DAB1: variants seen among roughly 807,000 people sequenced by gnomAD.
DAB1 encodes the protein DAB adaptor protein 1.
In DAB1, 15 loss-of-function variants were observed where a neutral mutation model predicts 64.6. The observed-to-expected ratio is 0.23, with a 90% confidence interval of 0.16 to 0.36. The LOEUF (loss-of-function observed/expected upper bound fraction) is 0.36. DAB1 is among the 10% of genes least tolerant of loss of function. The probability of loss-of-function intolerance (pLI) is 1.00; values close to 1 mark genes in which losing one functional copy is unlikely to be tolerated. For missense variants in DAB1, 596 were observed against 706.7 expected (o/e 0.84, Z 1.78); for synonymous variants, 235 against 251.9 (o/e 0.93, Z 0.64).
At chr1:58,459,608 A>G (rs1406195150) in intron 3 of DAB1, among the ~76,000 whole-genome samples, 1 of 152,268 alleles carries the variant, frequency 6.6e-6, no homozygotes, top group Non-Finnish European at 1.5e-5. Flanking sequence ...GCAGAGAGAG[A>G]AGGAGCATCC....
intron 3 of DAB1, among the ~76,000 whole-genome samples, chr1:58,370,903 A>G (rs1315500794): frequency 6.6e-6 from 1 of 152,236 alleles, no homozygotes; most frequent in Non-Finnish European, 1.5e-5. Context: ...CTGTGACTCA[A>G]TTAAACCTCT....
Position 58,470,668 on chromosome 1 carries a change from G to A in DAB1, n.257+35392C>T, listed in dbSNP as rs114628188. Among the ~76,000 whole-genome samples the A allele has an allele frequency of 2.4e-3, 372 of 152,232 alleles. 1 individual carries two copies. Among genetic ancestry groups the A allele is most frequent in the African/African-American group, 8.4e-3 (350 of 41,534 alleles). ...TTTTGCCTATTGTTTGGGCCCATGC[G>A]GTTCTATTCCAGAACACGTTTATGA... On this transcript the variant is annotated intron_variant and non_coding_transcript_variant, in intron 3 of 20. Transcript: ENST00000485760.
At chr1:58,282,437 T>A (rs1661583714) in intron 4 of DAB1, among the ~76,000 whole-genome samples, 1 of 152,184 alleles carries the variant, frequency 6.6e-6, no homozygotes, top group Non-Finnish European at 1.5e-5. Context: ...CCCTATGCCC[T>A]CTCATTTTCA....
rs924657241 is a variant in DAB1, at chr1:58,491,548, C to T, written n.257+14512G>A. On this transcript the variant is annotated intron_variant and non_coding_transcript_variant, in intron 3 of 20. Coordinates refer to the DAB1 transcript ENST00000485760. ...TCACGTGCAGAGACACACATAGGTT[C>T]AAAATAAAAGGATGGAGGAAGATCT... 1.3e-4 allele frequency among the ~76,000 whole-genome samples: 20 copies of T among 151,830 alleles called. 1 individual carries two copies. The highest frequency in any genetic ancestry group is 4.6e-4 in the African/African-American group (19 of 41,344).
intron 5 of DAB1, among the ~76,000 whole-genome samples, chr1:57,960,084 T>C (rs930011069): frequency 6.6e-6 from 1 of 152,146 alleles, no homozygotes; most frequent in African/African-American, 2.4e-5. Flanking sequence ...CCTGGGCTGA[T>C]AGCAATCAGG....
chr1:58,116,305 C>T (rs1652331229), intron 5 of DAB1, among the ~76,000 whole-genome samples: 1 of 152,194 alleles, frequency 6.6e-6, no homozygotes, highest in African/African-American at 2.4e-5. Context: ...CCAATGCTAA[C>T]AACTGCCTAT....
intron 4 of DAB1, among the ~76,000 whole-genome samples, chr1:58,262,861 C>T (rs1661080118): frequency 6.6e-6 from 1 of 152,208 alleles, no homozygotes. Flanking sequence ...ACCATTTTCT[C>T]TTCCCTCTCT....
chr1:57,886,162 T>G (rs1644217752), upstream of DAB1, among the ~76,000 whole-genome samples: 1 of 148,702 alleles, frequency 6.7e-6, no homozygotes, highest in Non-Finnish European at 1.5e-5. Flanking sequence ...AGCCTACTAT[T>G]CTTTTTTTTT....
intron 3 of DAB1, among the ~76,000 whole-genome samples, chr1:58,474,315 T>A (rs556817035): frequency 6.6e-6 from 1 of 152,330 alleles, no homozygotes; most frequent in Admixed American, 6.5e-5. Context: ...AACTCAGATC[T>A]TCTGACCTTG....
intron 5 of DAB1, among the ~76,000 whole-genome samples, chr1:57,993,579 G>A (rs1242402243): frequency 6.6e-6 from 1 of 152,104 alleles, no homozygotes; most frequent in Middle Eastern, 3.2e-3. Context: ...ACTGGTACCC[G>A]CTGCATTTGG....
In DAB1 at chr1:58,048,781, T is replaced by G. The variant is rs1459436740; in HGVS notation, n.387+101730A>C. On this transcript the variant is annotated intron_variant and non_coding_transcript_variant, in intron 5 of 20. Transcript: ENST00000485760. ...TTTCCTAACTTCACAGTTGTGGCCA[T>G]TCACAGTATAGTATTTCTGAATGAC... 67 of 1,179,018 alleles carry G rather than the reference T, an allele frequency of 5.7e-5. No individual in the cohort carries two copies. The East Asian group carries it at 1.5e-3, about 27-fold the overall frequency. The allele number at this position is 1,179,018 out of a possible 1,614,324, so 73.0% of individuals were successfully genotyped here.
At chr1:58,035,678 T>C (rs1414542136) in intron 5 of DAB1, among the ~76,000 whole-genome samples, 4 of 152,210 alleles carry the variant, frequency 2.6e-5, no homozygotes, top group East Asian at 1.9e-4. Context: ...AGGGCCATGA[T>C]TGGAGACTAT....
intron 5 of DAB1, among the ~76,000 whole-genome samples, chr1:58,120,063 T>C (rs72667936): frequency 0.018 from 2,772 of 152,250 alleles, 43 homozygotes; most frequent in Non-Finnish European, 0.028. Context: ...TGTCCTTTAC[T>C]GGCCTCGTCT....
chr1:58,127,359 G>A (rs1214409395), intron 5 of DAB1, among the ~76,000 whole-genome samples: 1 of 151,772 alleles, frequency 6.6e-6, no homozygotes, highest in Non-Finnish European at 1.5e-5. Context: ...CTGGATATTA[G>A]CCCTTTGTCA....
chr1:57,824,271 C>T (rs1652249213), downstream of DAB1, among the ~76,000 whole-genome samples: 1 of 152,058 alleles, frequency 6.6e-6, no homozygotes, highest in Non-Finnish European at 1.5e-5. Flanking sequence ...CCCACAAGTG[C>T]CCATTGTGGG....
chr1:57,432,759 C>T (rs1685562553), intron 7 of DAB1, among the ~76,000 whole-genome samples: 1 of 152,080 alleles, frequency 6.6e-6, no homozygotes, highest in African/African-American at 2.4e-5. Flanking sequence ...CACTTTCAAC[C>T]AAAATTTCTG....
At chr1:57,691,408 G>A (rs1349090785) in intron 6 of DAB1, among the ~76,000 whole-genome samples, 1 of 152,180 alleles carries the variant, frequency 6.6e-6, no homozygotes, top group Non-Finnish European at 1.5e-5. Flanking sequence ...TCAGCAGGAT[G>A]TGGGTAGGGC....
intron 5 of DAB1, among the ~76,000 whole-genome samples, chr1:58,072,302 T>C (rs1649327283): frequency 1.3e-5 from 2 of 152,220 alleles, no homozygotes; most frequent in Admixed American, 1.3e-4. Flanking sequence ...TAGTGTTGAC[T>C]GGTTCACAAC....
At position 57,137,093 on chromosome 1, in the gene DAB1, A is replaced by G. The variant is rs374074671; in HGVS notation, c.208-452T>C. Among the ~76,000 whole-genome samples the G allele has an allele frequency of 6.6e-5, 10 of 152,186 alleles. No homozygotes were observed. In the East Asian group the frequency reaches 1.7e-3, roughly 26 times the overall value. On this transcript the variant is annotated intron_variant, in intron 3 of 14. Coordinates refer to ENST00000371236, the MANE Select transcript of DAB1 (RefSeq NM_001365792.1). ...AAAAGTTTTCATATGAATCAATTTT[A>G]GATAATAGAAAATAAAAACAAATGC...
Sources: gnomAD v4.1 joint callset for allele counts (sites outside exome capture counted in the v4.1 genomes callset) on GRCh38, gnomAD v4.1.1 for gene constraint, MANE v1.5 for transcripts, NCBI Gene and HGNC (gene_info 2026-07-23, HGNC 2026-07-21) for gene names.